Variants in GPT2 observed in about 807,000 individuals in gnomAD.
GPT2 encodes glutamic--pyruvic transaminase 2, also known as alanine aminotransferase 2.
In GPT2, 30 loss-of-function variants were observed where a neutral mutation model predicts 56.9. That is an observed-to-expected ratio of 0.53 (90% CI 0.39 to 0.72). The LOEUF (loss-of-function observed/expected upper bound fraction) is 0.72, where lower values mean the gene tolerates loss of function less well. Among genes scored for constraint, GPT2 ranks in the 30% least tolerant of loss-of-function variants. The probability of loss-of-function intolerance (pLI) is 0.00; values close to 1 mark genes in which losing one functional copy is unlikely to be tolerated. For synonymous variants in GPT2, 271 were observed against 283.1 expected (o/e 0.96, Z 0.43); for missense variants, 542 against 703.4 (o/e 0.77, Z 2.60).
chr16:46,916,651 A>G lies in GPT2; in HGVS notation c.844A>G (p.Ile282Val), dbSNP rs377334484. Residue 282 changes from isoleucine (I) to valine (V), a missense_variant, in exon 7 of 12, where the codon ATA (isoleucine) becomes GTA (valine). Physicochemically the swap from Ile to Val is conservative, Grantham distance 29 (BLOSUM62 3). Coordinates refer to ENST00000340124, the MANE Select transcript of GPT2 (RefSeq NM_133443.4). ...AGGCCAGGTACAAAGCAGAAAGTGC[A>G]TAGAAGATGTGATCCACTTTGCCTG... is the stretch of plus-strand genomic sequence containing the variant. ...PTGQVQSRKC[I>V]EDVIHFAWEE... The G allele has an allele frequency of 3.5e-5, 56 of 1,613,872 alleles. No individual in the cohort carries two copies. Among genetic ancestry groups the G allele is most frequent in the Non-Finnish European group, 4.5e-5 (53 of 1,179,850 alleles).
chr16:46,886,161 G>A lies in GPT2; in HGVS notation c.243+1203G>A, dbSNP rs374595191. 5.7e-4 allele frequency among the ~76,000 whole-genome samples: 87 copies of A among 152,334 alleles called. 2 individuals are homozygous for A. Among genetic ancestry groups the A allele is most frequent in the African/African-American group, 2.1e-3 (87 of 41,586 alleles). ...CCTTGCAGGGCTAAGTTTAAAGCTG[G>A]CCGGGAGGAGGCTGGCTTTGTTTCT... is the stretch of plus-strand genomic sequence containing the variant. On this transcript the variant is annotated intron_variant, in intron 2 of 11. Coordinates refer to ENST00000340124, the MANE Select transcript of GPT2 (RefSeq NM_133443.4).
intron 6 of GPT2, among the ~76,000 whole-genome samples, chr16:46,912,429 A>G (rs1567339853): frequency 6.6e-6 from 1 of 152,170 alleles, no homozygotes; most frequent in African/African-American, 2.4e-5. Context: ...GAGTTTCACC[A>G]TTCCCAAGTT....
intron 6 of GPT2, among the ~76,000 whole-genome samples, chr16:46,910,349 C>A (rs1185875659): frequency 3.6e-5 from 4 of 112,486 alleles, no homozygotes; most frequent in Non-Finnish European, 4.9e-5. Context: ...CCACTGCACT[C>A]AAGCCTGGGT....
Position 46,900,867 on chromosome 16 carries a change from G to A in GPT2, c.442+77G>A. The A allele has an allele frequency of 3.3e-6, 4 of 1,203,710 alleles. No homozygotes were observed. The Admixed American group carries it at 7.2e-5, about 22-fold the overall frequency. The allele number at this position is 1,203,710 out of a possible 1,614,324, so 74.6% of individuals were successfully genotyped here. A position where few individuals can be genotyped will look rare whatever the true frequency, so the allele number is the denominator to read the frequency against. ...AGGCGGCCCCAGCCTCAAGCGGAGG[G>A]TCCTGCATGCGAATGGGTGTGTGAA... On this transcript the variant is annotated intron_variant, in intron 4 of 11. Coordinates refer to ENST00000340124, the MANE Select transcript of GPT2 (RefSeq NM_133443.4).
At chr16:46,922,588 G>A (rs1035836575) in intron 9 of GPT2, among the ~76,000 whole-genome samples, 172 bp downstream of exon 9, 1 of 152,226 alleles carries the variant, frequency 6.6e-6, no homozygotes, top group Non-Finnish European at 1.5e-5. Context: ...TTGAAGTCTG[G>A]AAGCGCAGCT....
At chr16:46,893,726 C>G (rs1039807975) in intron 2 of GPT2, among the ~76,000 whole-genome samples, 15 of 152,266 alleles carry the variant, frequency 9.9e-5, no homozygotes, top group African/African-American at 3.1e-4. Context: ...GGGAGCCCTC[C>G]CTGGGAAGGA....
At chr16:46,909,960 A>G in intron 6 of GPT2, 33 bp downstream of exon 6, 1 of 1,554,420 alleles carries the variant, frequency 6.4e-7, no homozygotes, top group South Asian at 1.2e-5. Context: ...AGTTTCGTAG[A>G]GGGTGGGGGT....
chr16:46,918,170 G>A (rs1382377788), intron 7 of GPT2, among the ~76,000 whole-genome samples: 1 of 152,234 alleles, frequency 6.6e-6, no homozygotes, highest in African/African-American at 2.4e-5. Flanking sequence ...TTCCACTCGA[G>A]TGGGGGGTTA....
intron 5 of GPT2, among the ~76,000 whole-genome samples, chr16:46,908,222 A>G (rs1342772034): frequency 8.0e-6 from 1 of 125,052 alleles, no homozygotes; most frequent in Non-Finnish European, 1.6e-5. Flanking sequence ...GTGGTGGACT[A>G]CAGTCCTTGC....
rs375037376 is a variant in GPT2 at position 46,909,944 on chromosome 16, C to T, written c.820+17C>T. 6.3e-6 allele frequency: 10 copies of T among 1,578,760 alleles called. No homozygotes were observed. The highest frequency in any genetic ancestry group is 6.9e-6 in the Non-Finnish European group (8 of 1,157,256). Reference sequence around the variant, plus strand: ...ACCCCACAGGTCTGCACTTTACTTCCTCACCAGTTTCGTAGAGGGTGGGGG... The same window carrying T: ...ACCCCACAGGTCTGCACTTTACTTCTTCACCAGTTTCGTAGAGGGTGGGGG... On this transcript the variant is annotated intron_variant, in intron 6 of 11. Transcript: ENST00000340124.
At chr16:46,904,751 A>G (rs1467222567) in intron 4 of GPT2, among the ~76,000 whole-genome samples, 1 of 152,140 alleles carries the variant, frequency 6.6e-6, no homozygotes, top group African/African-American at 2.4e-5. Context: ...AAAGGGGTGA[A>G]GGGAAGCAAG....
chr16:46,898,947 C>CATAT (rs10648872), intron 3 of GPT2, among the ~76,000 whole-genome samples: 1 of 136,572 alleles, frequency 7.3e-6, no homozygotes, highest in Non-Finnish European at 1.5e-5. Context: ...TATACACACA[C>CATAT]ATATATGTGT....
chr16:46,889,228 A>T (rs940415544), intron 2 of GPT2, among the ~76,000 whole-genome samples: 1 of 132,414 alleles, frequency 7.6e-6, no homozygotes, highest in African/African-American at 2.8e-5. Flanking sequence ...AGGGTTTGCC[A>T]TGTTGCCCAG....
intron 11 of GPT2, among the ~76,000 whole-genome samples, chr16:46,927,849 A>G (rs955720485): frequency 1.6e-4 from 24 of 151,998 alleles, no homozygotes; most frequent in African/African-American, 5.1e-4. Context: ...GCCAGGGAGC[A>G]TTTTGGTGCA....
At chr16:46,892,542 T>G (rs923756321) in intron 2 of GPT2, among the ~76,000 whole-genome samples, 2 of 152,152 alleles carry the variant, frequency 1.3e-5, no homozygotes, top group Non-Finnish European at 2.9e-5. Flanking sequence ...CAATTTACAT[T>G]CCCACCAGTG....
chr16:46,898,873 T>C (rs551050814), intron 3 of GPT2, among the ~76,000 whole-genome samples: 4 of 143,446 alleles, frequency 2.8e-5, no homozygotes, highest in Non-Finnish European at 4.6e-5. Flanking sequence ...TTTATATACA[T>C]ATATATATAT....
At chr16:46,902,930 G>T (rs931599905) in intron 4 of GPT2, among the ~76,000 whole-genome samples, 1 of 151,912 alleles carries the variant, frequency 6.6e-6, no homozygotes, top group African/African-American at 2.4e-5. Context: ...GGCCACTCAG[G>T]ATGTGTTTTT....
Position 46,906,944 on chromosome 16 carries a change from A to T in GPT2, c.545A>T (p.Tyr182Phe), listed in dbSNP as rs201743697. 43 of 1,614,214 alleles carry T rather than the reference A, an allele frequency of 2.7e-5. No individual in the cohort carries two copies. In the Admixed American group the frequency reaches 7.0e-4, roughly 26 times the overall value. The change falls in exon 5 of 12, where the codon TAC (tyrosine) becomes TTC (phenylalanine). Residue 182 changes from tyrosine (Y) to phenylalanine (F), a missense_variant. Tyr to Phe is a conservative substitution (Grantham distance 22, BLOSUM62 3). Coordinates refer to ENST00000340124, the MANE Select transcript of GPT2 (RefSeq NM_133443.4). Reference sequence around the variant, plus strand: ...GTGCCTGCGGACCCCGACAACATCTACCTGACCACGGGAGCTAGTGACGGC... The same window carrying T: ...GTGCCTGCGGACCCCGACAACATCTTCCTGACCACGGGAGCTAGTGACGGC... ...GGVPADPDNI[Y>F]LTTGASDGIS...
intron 1 of GPT2, 112 bp from the exon 2 acceptor site, chr16:46,884,582 A>C: frequency 8.6e-7 from 1 of 1,157,948 alleles, no homozygotes; most frequent in Non-Finnish European, 1.1e-6. Context: ...ACCAGCGCCG[A>C]AGCCAGGCTG....
Sources: allele counts gnomAD v4.1 joint callset (sites outside exome capture counted in the v4.1 genomes callset), GRCh38; gene constraint gnomAD v4.1.1; transcripts MANE v1.5; gene names NCBI Gene and HGNC (gene_info 2026-07-23, HGNC 2026-07-21).